TEX2: variants seen among roughly 807,000 people sequenced by gnomAD.
TEX2 encodes the protein testis expressed 2.
A neutral mutation model predicts 106.9 loss-of-function variants in TEX2; 53 were observed. That is an observed-to-expected ratio of 0.50 (90% CI 0.40 to 0.62). The LOEUF (loss-of-function observed/expected upper bound fraction) is 0.62. Among genes scored for constraint, TEX2 ranks in the 20% least tolerant of loss-of-function variants. TEX2 has a pLI of 0.00. For missense variants in TEX2, 1,207 were observed against 1,379.0 expected, an observed-to-expected ratio of 0.88 and a Z score of 1.98; for synonymous variants, 523 against 534.8, an observed-to-expected ratio of 0.98 and a Z score of 0.30.
chr17:64,163,563 G>A (rs1038126714), intron 7 of TEX2, among the ~76,000 whole-genome samples: 1 of 152,234 alleles, frequency 6.6e-6, no homozygotes, highest in African/African-American at 2.4e-5. Flanking sequence ...ATTAAGTGTA[G>A]GAGAAATTTG....
In TEX2 at chr17:64,177,407, C is replaced by T; in HGVS notation, c.2489G>A (p.Arg830Lys). The change falls in exon 6 of 12, where the codon AGA becomes AAA. Residue 830 changes from arginine (R) to lysine (K), a missense_variant. By Grantham distance (26) the Arg-to-Lys change is conservative. Coordinates refer to ENST00000584379, the MANE Select transcript of TEX2 (RefSeq NM_001288732.2). ...CTCTCCTAAGAAGTCCCAAAATATT[C>T]TTCCAAGCAAGGCATTCACCCAGGC... is the stretch of plus-strand genomic sequence containing the variant. ...QEAWVNALLG[R>K]IFWDFLGEKY... 1.2e-6 allele frequency: 2 copies of T among 1,614,204 alleles called. No individual in the cohort carries two copies. Among genetic ancestry groups the T allele is most frequent in the South Asian group, 2.2e-5 (2 of 91,088 alleles).
chr17:64,240,841 T>C lies in TEX2; in HGVS notation c.-26+22327A>G, dbSNP rs529325953. Reference sequence around the variant, plus strand: ...AATGGATCTGTCAACTGCAGCCCTGTACAAACACTGATTATTAATGTACTC... The same window carrying C: ...AATGGATCTGTCAACTGCAGCCCTGCACAAACACTGATTATTAATGTACTC... On this transcript the variant is annotated intron_variant, in intron 1 of 11. Transcript: ENST00000584379. Among the ~76,000 whole-genome samples the C allele has an allele frequency of 2.0e-5, 3 of 152,254 alleles. 1 individual carries two copies. In the South Asian group the frequency reaches 6.2e-4, roughly 32 times the overall value.
intron 1 of TEX2, among the ~76,000 whole-genome samples, chr17:64,229,980 G>T (rs2143298521): frequency 6.6e-6 from 1 of 152,248 alleles, no homozygotes; most frequent in East Asian, 1.9e-4. Context: ...TTTTCACACA[G>T]GCATCAGCAG....
At chr17:64,219,510 A>ACATAACATAACATAACATAAC (rs1567951454) in intron 1 of TEX2, among the ~76,000 whole-genome samples, 68 of 99,274 alleles carry the variant, frequency 6.8e-4, no homozygotes, top group African/African-American at 2.3e-3. Context: ...CATCTCATCA[A>ACATAACATAACATAACATAAC]ATAAAATAAA....
intron 7 of TEX2, among the ~76,000 whole-genome samples, chr17:64,162,762 G>T (rs2030946236): frequency 6.6e-6 from 1 of 152,186 alleles, no homozygotes; most frequent in Non-Finnish European, 1.5e-5. Context: ...TTCACTGGAA[G>T]TTTCTTCACT....
rs1288706496 is a variant in TEX2, at chr17:64,240,078, T to A, written c.-26+23090A>T. Among the ~76,000 whole-genome samples, 3 of 151,922 alleles carry A rather than the reference T, an allele frequency of 2.0e-5. No homozygotes were observed. The East Asian group carries it at 5.8e-4, about 29-fold the overall frequency. On this transcript the variant is annotated intron_variant, in intron 1 of 11. Coordinates refer to ENST00000584379, the MANE Select transcript of TEX2 (RefSeq NM_001288732.2). ...GCCTAGAAATGCATAAATGAAATCA[T>A]GATAAATGAGGGGGAAAATACAAAC...
intron 5 of TEX2, among the ~76,000 whole-genome samples, 189 bp downstream of exon 5, chr17:64,187,979 C>T (rs890098558): frequency 6.6e-6 from 1 of 152,228 alleles, no homozygotes; most frequent in African/African-American, 2.4e-5. Flanking sequence ...TTTCATTCTT[C>T]CCACCACCTG....
At chr17:64,231,766 T>G (rs1555634664) in intron 1 of TEX2, among the ~76,000 whole-genome samples, 1 of 152,212 alleles carries the variant, frequency 6.6e-6, no homozygotes. Flanking sequence ...CTCTTATCAG[T>G]GTGTCACCCT....
At chr17:64,239,903 AAGC>A (rs2033851684) in intron 1 of TEX2, among the ~76,000 whole-genome samples, 1 of 147,064 alleles carries the variant, frequency 6.8e-6, no homozygotes, top group Non-Finnish European at 1.5e-5. Context: ...AAAAAAAAAA[AAGC>A]AGAGAAGATA....
rs2032430233 is a variant in TEX2, at chr17:64,195,204, G to A, written c.1645-109C>T. The A allele has an allele frequency of 4.2e-6, 4 of 960,376 alleles. No individual in the cohort carries two copies. Among genetic ancestry groups the A allele is most frequent in the South Asian group, 1.5e-5 (1 of 67,590 alleles). 59.5% of individuals were successfully genotyped at this position (960,376 alleles called of 1,614,324 possible). A position where few individuals can be genotyped will look rare whatever the true frequency, so the allele number is the denominator to read the frequency against. On this transcript the variant is annotated intron_variant, in intron 2 of 11. Transcript: ENST00000584379. The surrounding 1 kb of genome is among the most constrained non-coding windows in gnomAD (Gnocchi z 4.1). ...GGACACTGAAACCAAACTTGATCAC[G>A]ACACAGATATCAGCTCACCAATGAC...
In TEX2 at chr17:64,217,724, G is replaced by A. The variant is rs2033226500; in HGVS notation, c.-25-3482C>T. Among the ~76,000 whole-genome samples the A allele has an allele frequency of 6.6e-6, 1 of 152,110 alleles. No individual in the cohort carries two copies. Among genetic ancestry groups the A allele is most frequent in the South Asian group, 2.1e-4 (1 of 4,830 alleles). ...AGACAAGCTTCTCTCAAGCCCTCAG[G>A]AACTGAAAGGCCAAAAAAGAAAGCT... On this transcript the variant is annotated intron_variant, in intron 1 of 11. Transcript: ENST00000584379. This position sits in a 1 kb window ranked among gnomAD's most constrained non-coding sequence, Gnocchi z 4.3.
chr17:64,204,306 T>G (rs150142794), intron 2 of TEX2, among the ~76,000 whole-genome samples: 4 of 152,324 alleles, frequency 2.6e-5, no homozygotes, highest in African/African-American at 9.6e-5. Context: ...CTTTTGATAA[T>G]TTTTAGTTTT....
intron 1 of TEX2, among the ~76,000 whole-genome samples, chr17:64,223,856 C>T (rs964115338): frequency 6.6e-6 from 1 of 151,776 alleles, no homozygotes; most frequent in Non-Finnish European, 1.5e-5. Context: ...GCTGGGATTA[C>T]AAGTGCCTGC....
intron 1 of TEX2, among the ~76,000 whole-genome samples, chr17:64,228,815 T>C (rs1400527224): frequency 2.6e-5 from 4 of 152,024 alleles, no homozygotes; most frequent in Admixed American, 2.0e-4. Context: ...ACAAATAAAG[T>C]TGTTTTTGTT....
At chr17:64,193,039 A>C (rs1247685955) in intron 4 of TEX2, among the ~76,000 whole-genome samples, 3 of 152,214 alleles carry the variant, frequency 2.0e-5, no homozygotes, top group African/African-American at 4.8e-5. Context: ...ACTGCTTTTT[A>C]CTGGTTTTGT....
chr17:64,254,935 C>T lies in TEX2; in HGVS notation c.-26+8233G>A, dbSNP rs1371712501. 2.6e-5 allele frequency among the ~76,000 whole-genome samples: 4 copies of T among 152,018 alleles called. No individual in the cohort carries two copies. The East Asian group carries it at 7.7e-4, about 29-fold the overall frequency. On this transcript the variant is annotated intron_variant, in intron 1 of 11. Coordinates refer to ENST00000584379, the MANE Select transcript of TEX2 (RefSeq NM_001288732.2). ...GTGGTGCAGTGGTGCCATCATGGCT[C>T]ACAGCAGCCTTGAATTCCCAGGCTT...
At chr17:64,152,043 A>G (rs1238876385) in intron 10 of TEX2, among the ~76,000 whole-genome samples, 1 of 152,212 alleles carries the variant, frequency 6.6e-6, no homozygotes, top group Non-Finnish European at 1.5e-5. Flanking sequence ...TGGTTAGTCA[A>G]TTCAAAACCC....
intron 7 of TEX2, among the ~76,000 whole-genome samples, chr17:64,161,411 A>T (rs1256549872): frequency 1.3e-5 from 2 of 152,220 alleles, no homozygotes; most frequent in African/African-American, 4.8e-5. Context: ...CTTTCTTAAA[A>T]TTCTCCAGTA....
intron 7 of TEX2, among the ~76,000 whole-genome samples, chr17:64,169,050 T>C (rs1379446384): frequency 2.6e-5 from 4 of 152,088 alleles, no homozygotes; most frequent in Middle Eastern, 3.2e-3. Context: ...CTTTCTTTCT[T>C]TTTTTTAAGA....
Sources: gnomAD v4.1 joint callset for allele counts (sites outside exome capture counted in the v4.1 genomes callset) on GRCh38, gnomAD v4.1.1 for gene constraint, Gnocchi (gnomAD v3.1) non-coding constraint, MANE v1.5 for transcripts, NCBI Gene and HGNC (gene_info 2026-07-23, HGNC 2026-07-21) for gene names.